INVS: variants seen among roughly 807,000 people sequenced by gnomAD.
INVS encodes the protein inversin.
In INVS, 86 loss-of-function variants were observed where a neutral mutation model predicts 108.8. The ratio of observed to expected loss-of-function variants is 0.79; its 90% confidence interval spans 0.66 to 0.95. INVS has a LOEUF of 0.95. INVS is among the 40% of genes least tolerant of loss of function. The pLI, the probability that INVS is intolerant of heterozygous loss-of-function variation, is 0.00. For synonymous variants in INVS, 455 were observed against 473.5 expected (o/e 0.96, Z 0.51); for missense variants, 1,169 against 1,297.4 (o/e 0.90, Z 1.52).
chr9:100,118,290 C>T (rs537431023), intron 2 of INVS, among the ~76,000 whole-genome samples: 1 of 151,898 alleles, frequency 6.6e-6, no homozygotes, highest in South Asian at 2.1e-4. Context: ...CTCACTGCAA[C>T]CTCCACCTCC....
At chr9:100,220,974 C>CA (rs59090085) in intron 3 of INVS, among the ~76,000 whole-genome samples, 28,534 of 140,762 alleles carry the variant, frequency 0.2, 4,201 homozygotes, top group African/African-American at 0.43. Flanking sequence ...GACTCTGTCC[C>CA]AAAAAAAAAA....
At chr9:100,151,132 A>G (rs181874380) in intron 3 of INVS, among the ~76,000 whole-genome samples, 2 of 152,178 alleles carry the variant, frequency 1.3e-5, no homozygotes, top group Non-Finnish European at 2.9e-5. Flanking sequence ...CAGAAGAAAC[A>G]GTCAGAACAA....
At position 100,284,517 on chromosome 9, in the gene INVS, C is replaced by T; in HGVS notation, c.1982C>T (p.Ser661Phe). The T allele has an allele frequency of 6.2e-7, 1 of 1,614,124 alleles. No homozygotes were observed. Residue 661 changes from serine to phenylalanine, a missense_variant, in exon 13 of 17, where the codon TCT becomes TTT. Ser to Phe is a radical substitution (Grantham distance 155). Coordinates refer to ENST00000262457, the MANE Select transcript of INVS (RefSeq NM_014425.5). ...CCTGAGCCAAGAGACAGCAGAGGATCTCCAGGAGGGTCTCTAGGCGGAGCC... is the reference window on the plus strand; with the variant it reads ...CCTGAGCCAAGAGACAGCAGAGGATTTCCAGGAGGGTCTCTAGGCGGAGCC... ...QGPEPRDSRG[S>F]PGGSLGGALQ...
rs377114225 is a variant in INVS, at chr9:100,195,542, C to T, written c.274-30520C>T. 3.7e-3 allele frequency among the ~76,000 whole-genome samples: 568 copies of T among 152,000 alleles called. 4 individuals are homozygous for T. The highest frequency in any genetic ancestry group is 0.012 in the African/African-American group (516 of 41,432). On this transcript the variant is annotated intron_variant, in intron 3 of 16. Transcript: ENST00000262457. ...TCGCTTTGTTGCTCAAGCTGGAGTG[C>T]AGTGATGTGATCTCGGCTCACTGCA...
At chr9:100,278,471 C>T (rs1360177014) in intron 12 of INVS, among the ~76,000 whole-genome samples, 1 of 152,100 alleles carries the variant, frequency 6.6e-6, no homozygotes, top group Non-Finnish European at 1.5e-5. Flanking sequence ...TCACTGTTGG[C>T]AGGAGTGTAT....
intron 12 of INVS, among the ~76,000 whole-genome samples, chr9:100,278,618 C>T (rs1248065579): frequency 6.6e-6 from 1 of 152,220 alleles, no homozygotes; most frequent in African/African-American, 2.4e-5. Context: ...AATTCCCCTA[C>T]AAAGGGTCTA....
At chr9:100,177,261 T>C (rs1387851745) in intron 3 of INVS, among the ~76,000 whole-genome samples, 1 of 152,102 alleles carries the variant, frequency 6.6e-6, no homozygotes, top group African/African-American at 2.4e-5. Context: ...TGCCTGGGAA[T>C]GTCAGCGAGA....
Position 100,223,921 on chromosome 9 carries a change from T to TA in INVS, c.274-2140dup, listed in dbSNP as rs1240142221. 1.2e-4 allele frequency among the ~76,000 whole-genome samples: 19 copies of TA among 152,334 alleles called. No individual in the cohort carries two copies. The East Asian group carries it at 3.5e-3, about 28-fold the overall frequency. ...GTCCTTCTGCACCTCACTGTCACTC[T>TA]AGTAACCTTGCCTTACAGCAGGGAT... On this transcript the variant is annotated intron_variant, in intron 3 of 16. Transcript: ENST00000262457.
chr9:100,276,797 G>A (rs1363469393), intron 12 of INVS, among the ~76,000 whole-genome samples: 5 of 152,066 alleles, frequency 3.3e-5, no homozygotes, highest in African/African-American at 7.2e-5. Context: ...GAGCCACCAC[G>A]CCCAGCCCCC....
At chr9:100,217,832 C>G (rs946402587) in intron 3 of INVS, among the ~76,000 whole-genome samples, 2 of 152,104 alleles carry the variant, frequency 1.3e-5, no homozygotes, top group African/African-American at 2.4e-5. Context: ...ATTGCCTCTC[C>G]CAACACTATT....
chr9:100,127,717 T>C (rs1827930196), intron 3 of INVS, among the ~76,000 whole-genome samples: 1 of 152,194 alleles, frequency 6.6e-6, no homozygotes, highest in East Asian at 1.9e-4. Context: ...ATGCTAGTTA[T>C]ATGCGCTTCT....
In INVS at chr9:100,299,289, C is replaced by A. The variant is rs932562223; in HGVS notation, c.3091+1279C>A. On this transcript the variant is annotated intron_variant, in intron 16 of 16. Coordinates refer to ENST00000262457, the MANE Select transcript of INVS (RefSeq NM_014425.5). ...ACAGTTTTGTTAGGCTCAAGCCCAC[C>A]CACATTAAGCATTAACCAGTTAATG... is the stretch of plus-strand genomic sequence containing the variant. 2.5e-4 allele frequency among the ~76,000 whole-genome samples: 38 copies of A among 152,084 alleles called. 1 individual carries two copies. The highest frequency in any genetic ancestry group is 2.0e-4 in the Admixed American group (3 of 15,274).
At chr9:100,116,271 G>T (rs1247735008) in intron 2 of INVS, among the ~76,000 whole-genome samples, 1 of 151,596 alleles carries the variant, frequency 6.6e-6, no homozygotes, top group African/African-American at 2.4e-5. Flanking sequence ...ACTGCACCTG[G>T]CTAATTTTTA....
At chr9:100,146,131 T>A (rs1048340360) in intron 3 of INVS, among the ~76,000 whole-genome samples, 1 of 151,990 alleles carries the variant, frequency 6.6e-6, no homozygotes, top group Admixed American at 6.5e-5. Flanking sequence ...CGCATCTGTG[T>A]AAAGAGACCA....
chr9:100,130,904 T>C (rs1828037131), intron 3 of INVS: 1 of 152,220 alleles, frequency 6.6e-6, no homozygotes, highest in African/African-American at 2.4e-5. Context: ...TACCTTGTAA[T>C]ACATAAGTGT....
At chr9:100,207,818 T>C (rs937632178) in intron 3 of INVS, among the ~76,000 whole-genome samples, 1 of 152,220 alleles carries the variant, frequency 6.6e-6, no homozygotes, top group African/African-American at 2.4e-5. Context: ...TTTTCAAAAT[T>C]TTCAATATAT....
At chr9:100,258,161 A>T (rs1055237312) in intron 10 of INVS, among the ~76,000 whole-genome samples, 5 of 152,160 alleles carry the variant, frequency 3.3e-5, no homozygotes, top group South Asian at 4.2e-4. Flanking sequence ...TTTGATCTTC[A>T]ATCACTGATA....
intron 3 of INVS, among the ~76,000 whole-genome samples, chr9:100,156,823 TA>T (rs144875757): frequency 0.21 from 31,757 of 151,454 alleles, 5,662 homozygotes; most frequent in African/African-American, 0.49. Flanking sequence ...TTAAACCAGA[TA>T]AAAAAGGAAG....
Position 100,246,745 on chromosome 9 carries a change from T to A in INVS, c.1036T>A (p.Ser346Thr). The A allele has an allele frequency of 1.5e-5, 24 of 1,614,054 alleles. No individual in the cohort carries two copies. Among genetic ancestry groups the A allele is most frequent in the Non-Finnish European group, 2.0e-5 (24 of 1,179,944 alleles). Residue 346 changes from serine (S) to threonine (T), a missense_variant, in exon 8 of 17, where the codon TCG becomes ACG. Physicochemically the swap from Ser to Thr is moderately conservative, Grantham distance 58. Coordinates refer to ENST00000262457, the MANE Select transcript of INVS (RefSeq NM_014425.5). ...DVLRTMLSLK[S>T]DIDINMADKY... ...CCTTAGAACTATGCTGAGCTTAAAATCGGACATAGATATTAACATGGCTGA... is the reference window on the plus strand; with the variant it reads ...CCTTAGAACTATGCTGAGCTTAAAAACGGACATAGATATTAACATGGCTGA...
Sources: allele counts gnomAD v4.1 joint callset (sites outside exome capture counted in the v4.1 genomes callset), GRCh38; gene constraint gnomAD v4.1.1; transcripts MANE v1.5; gene names NCBI Gene and HGNC (gene_info 2026-07-23, HGNC 2026-07-21).